Variants in EIF2AK4 observed in about 807,000 individuals in gnomAD.
EIF2AK4 encodes the protein eukaryotic translation initiation factor 2 alpha kinase 4.
A neutral mutation model predicts 211.1 loss-of-function variants in EIF2AK4; 139 were observed. The ratio of observed to expected loss-of-function variants is 0.66; its 90% CI spans 0.57 to 0.76. EIF2AK4 has a LOEUF of 0.76. Among genes scored for constraint, EIF2AK4 ranks in the 30% least tolerant of loss-of-function variants. EIF2AK4 has a pLI of 0.00. For missense variants in EIF2AK4, 1,664 were observed against 2,043.8 expected (o/e 0.81, Z 3.58); for synonymous variants, 710 against 751.3 (o/e 0.94, Z 0.90).
intron 31 of EIF2AK4, 33 bp downstream of exon 31, chr15:40,021,060 G>A (rs1447775911): frequency 2.0e-5 from 32 of 1,605,398 alleles, no homozygotes; most frequent in Non-Finnish European, 2.7e-5. Flanking sequence ...TGAGTGAAGT[G>A]CAAATTGCTA....
chr15:40,002,895 T>A (rs1370857531), intron 22 of EIF2AK4, 107 bp downstream of exon 22: 2 of 1,261,722 alleles, frequency 1.6e-6, no homozygotes, highest in East Asian at 4.8e-5. Context: ...TCAAATTCAG[T>A]TATAAATAAT....
chr15:40,011,387 A>AT (rs1567004409), intron 27 of EIF2AK4, 41 bp downstream of exon 27: 7 of 1,529,622 alleles, frequency 4.6e-6, no homozygotes, highest in Non-Finnish European at 6.3e-6. Context: ...TTTCTCTGTA[A>AT]TTTTGTGATA....
intron 23 of EIF2AK4, among the ~76,000 whole-genome samples, chr15:40,005,371 A>T (rs978292386): frequency 2.2e-4 from 33 of 151,850 alleles, no homozygotes; most frequent in African/African-American, 2.2e-4. Flanking sequence ...AAGTTTTTTT[A>T]AAAAAATTGT....
Position 40,005,673 on chromosome 15 carries a change from G to A in EIF2AK4, c.3358-1343G>A, listed in dbSNP as rs564594804. Among the ~76,000 whole-genome samples, 15 of 151,478 alleles carry A rather than the reference G, an allele frequency of 9.9e-5. No homozygotes were observed. The South Asian group carries it at 2.5e-3, about 25-fold the overall frequency. ...TGCAAGCTCCGCCTCCCGGGTTCAC[G>A]CCATTCTCCTGCCTCACCCTCCCGA... On this transcript the variant is annotated intron_variant, in intron 23 of 38. Coordinates refer to ENST00000263791, the MANE Select transcript of EIF2AK4 (RefSeq NM_001013703.4).
chr15:39,943,317 T>C, intron 2 of EIF2AK4, 66 bp from the exon 3 acceptor site: 1 of 1,299,222 alleles, frequency 7.7e-7, no homozygotes, highest in Non-Finnish European at 1.0e-6. Context: ...TTAGCAAATA[T>C]TAATGCAAAC....
chr15:40,007,860 G>C (rs2035181896), intron 24 of EIF2AK4, among the ~76,000 whole-genome samples, 167 bp from the exon 25 acceptor site: 1 of 152,206 alleles, frequency 6.6e-6, no homozygotes, highest in South Asian at 2.1e-4. Context: ...TTGGAACCTA[G>C]ATCACAAGGC....
chr15:39,976,900 T>TA, intron 12 of EIF2AK4, 56 bp downstream of exon 12: 1 of 1,390,968 alleles, frequency 7.2e-7, no homozygotes, highest in Non-Finnish European at 9.3e-7. Flanking sequence ...TTCCTTTCTT[T>TA]ATTTTTTTTT....
intron 27 of EIF2AK4, among the ~76,000 whole-genome samples, chr15:40,013,686 A>G (rs189100058): frequency 6.6e-6 from 1 of 152,324 alleles, no homozygotes; most frequent in Non-Finnish European, 1.5e-5. Flanking sequence ...CGCCCCCACG[A>G]TTCAATTACC....
At chr15:39,951,011 G>A (rs1321326424) in intron 4 of EIF2AK4, among the ~76,000 whole-genome samples, 1 of 152,082 alleles carries the variant, frequency 6.6e-6, no homozygotes, top group Non-Finnish European at 1.5e-5. Flanking sequence ...AATGAAAATA[G>A]AAAAACGGCC....
chr15:39,993,418 G>A (rs2034978049), intron 18 of EIF2AK4, among the ~76,000 whole-genome samples: 1 of 152,246 alleles, frequency 6.6e-6, no homozygotes, highest in African/African-American at 2.4e-5. Context: ...GGAACTGAGT[G>A]ACAAAGAGAA....
At chr15:39,973,040 G>T (rs979086420) in intron 10 of EIF2AK4, 26 bp downstream of exon 10, 3 of 1,583,474 alleles carry the variant, frequency 1.9e-6, no homozygotes, top group African/African-American at 2.7e-5. Flanking sequence ...TTCTTTATTT[G>T]GTAACCTGTT....
intron 17 of EIF2AK4, chr15:39,992,462 T>C: frequency 1.9e-6 from 1 of 532,938 alleles, no homozygotes; most frequent in East Asian, 3.0e-5. Context: ...CTCCCAGGGG[T>C]AGACAGTTTT....
At chr15:39,969,589 T>C (rs2034595841) in intron 9 of EIF2AK4, among the ~76,000 whole-genome samples, 1 of 152,166 alleles carries the variant, frequency 6.6e-6, no homozygotes, top group Non-Finnish European at 1.5e-5. Flanking sequence ...CTCAATCTCC[T>C]GACCTCGTGA....
Position 39,976,401 on chromosome 15 carries a change from G to T in EIF2AK4, c.1819-13G>T. ...GGCTCCGAGCGGCTGACCTTCCCCT[G>T]GCTGTGCCGCAGGTGCAGAACAAGT... On this transcript the variant is annotated splice_polypyrimidine_tract_variant and intron_variant, in intron 11 of 38. Transcript: ENST00000263791. The T allele has an allele frequency of 6.3e-7, 1 of 1,578,854 alleles. No homozygotes were observed. Among genetic ancestry groups the T allele is most frequent in the Non-Finnish European group, 8.6e-7 (1 of 1,162,750 alleles).
chr15:39,944,627 G>A (rs2034200709), intron 3 of EIF2AK4, among the ~76,000 whole-genome samples: 1 of 152,082 alleles, frequency 6.6e-6, no homozygotes, highest in East Asian at 1.9e-4. Flanking sequence ...TAGAGACGGG[G>A]TTTCACCGTG....
At chr15:39,935,574 T>C (rs889630558) in intron 1 of EIF2AK4, among the ~76,000 whole-genome samples, 1 of 152,116 alleles carries the variant, frequency 6.6e-6, no homozygotes, top group Non-Finnish European at 1.5e-5. Flanking sequence ...CATGCAATCC[T>C]CTCACCTTGG....
intron 23 of EIF2AK4, among the ~76,000 whole-genome samples, chr15:40,004,105 A>G (rs1174555073): frequency 6.6e-6 from 1 of 152,264 alleles, no homozygotes; most frequent in African/African-American, 2.4e-5. Context: ...AATGTTATCC[A>G]GAGATGACAG....
At chr15:39,943,910 A>C (rs1412615072) in intron 3 of EIF2AK4, among the ~76,000 whole-genome samples, 2 of 152,076 alleles carry the variant, frequency 1.3e-5, no homozygotes, top group African/African-American at 2.4e-5. Flanking sequence ...AGCTATGATC[A>C]CACCCCTTCA....
Position 40,006,870 on chromosome 15 carries a change from C to G in EIF2AK4, c.3358-146C>G, listed in dbSNP as rs191641420. On this transcript the variant is annotated intron_variant, in intron 23 of 38. Transcript: ENST00000263791. ...CAGGGAGTGTGAGTGGTGAGCAGTG[C>G]ATAACTTAGTGAATACACTAAAAGC... is the stretch of plus-strand genomic sequence containing the variant. 6 of 604,802 alleles carry G rather than the reference C, an allele frequency of 9.9e-6. No homozygotes were observed. The African/African-American group carries it at 1.1e-4, about 11-fold the overall frequency. 37.5% of individuals were successfully genotyped at this position (604,802 alleles called of 1,614,324 possible). A position where few individuals can be genotyped will look rare whatever the true frequency, so the allele number is the denominator to read the frequency against.
Sources: allele counts gnomAD v4.1 joint callset (sites outside exome capture counted in the v4.1 genomes callset), GRCh38; gene constraint gnomAD v4.1.1; transcripts MANE v1.5; gene names NCBI Gene and HGNC (gene_info 2026-07-23, HGNC 2026-07-21).